The following SNTA1 variants were observed in gnomAD, a reference collection of about 807,000 sequenced individuals.
SNTA1 encodes the protein syntrophin alpha 1.
In SNTA1, 31 loss-of-function variants were observed where a neutral mutation model predicts 47.1. That is an observed-to-expected ratio of 0.66 (90% CI 0.49 to 0.89). The LOEUF is 0.89. Ranked by LOEUF, SNTA1 falls within the 40% of genes least tolerant of loss-of-function variation. The pLI is 0.00. For missense variants in SNTA1, 575 were observed against 693.0 expected (o/e 0.83, Z 1.91); for synonymous variants, 300 against 313.6 (o/e 0.96, Z 0.46).
Position 33,410,168 on chromosome 20 carries a change from G to A in SNTA1, c.1204C>T (p.Arg402Trp), listed in dbSNP as rs373387978. 43 of 1,614,070 alleles carry A rather than the reference G, an allele frequency of 2.7e-5. No homozygotes were observed. Among genetic ancestry groups the A allele is most frequent in the Non-Finnish European group, 3.4e-5 (40 of 1,180,034 alleles). ...ACCTCCTGCACACCCTCGGCGGCCC[G>A]GTGACAGCCATCCACAAGCTGGCGG... ...WTRQLVDGCH[R>W]AAEGVQEVST... The change falls in exon 6 of 8, where the codon CGG becomes TGG. Residue 402 changes from arginine (R) to tryptophan (W), a missense_variant. Arg to Trp is a moderately radical substitution (Grantham distance 101). Coordinates refer to ENST00000217381, the MANE Select transcript of SNTA1 (RefSeq NM_003098.3).
intron 2 of SNTA1, among the ~76,000 whole-genome samples, chr20:33,436,357 G>A (rs769084544): frequency 2.0e-5 from 3 of 152,134 alleles, no homozygotes; most frequent in Non-Finnish European, 4.4e-5. Flanking sequence ...ATGACATTTC[G>A]ATGAATGTCA....
At chr20:33,409,821 G>C (rs1195067851) in intron 6 of SNTA1, among the ~76,000 whole-genome samples, 2 of 152,140 alleles carry the variant, frequency 1.3e-5, no homozygotes, top group Non-Finnish European at 2.9e-5. Flanking sequence ...AGTAGAGACA[G>C]GGTTTCACCA....
intron 3 of SNTA1, among the ~76,000 whole-genome samples, chr20:33,417,229 G>A (rs572019012): frequency 6.6e-6 from 1 of 152,202 alleles, no homozygotes; most frequent in African/African-American, 2.4e-5. Context: ...ACAGTGCTGG[G>A]TACACAGTAA....
At chr20:33,409,989 C>T (rs1989698454) in intron 6 of SNTA1, 146 bp downstream of exon 6, 2 of 799,346 alleles carry the variant, frequency 2.5e-6, no homozygotes, top group East Asian at 5.3e-5. Context: ...TGGTCTCAAA[C>T]TTCTGACCTC....
chr20:33,411,709 G>T (rs1397301361), intron 5 of SNTA1, among the ~76,000 whole-genome samples: 1 of 152,166 alleles, frequency 6.6e-6, no homozygotes, highest in Non-Finnish European at 1.5e-5. Context: ...TCAAGATCAG[G>T]CCCTGCCAAC....
intron 2 of SNTA1, among the ~76,000 whole-genome samples, chr20:33,418,869 T>C (rs998024171): frequency 3.3e-5 from 5 of 150,300 alleles, no homozygotes; most frequent in African/African-American, 4.9e-5. Context: ...TTCCAGCACT[T>C]TGGGAGGCCA....
chr20:33,436,295 G>A (rs989298418), intron 2 of SNTA1, among the ~76,000 whole-genome samples: 1 of 152,188 alleles, frequency 6.6e-6, no homozygotes, highest in Non-Finnish European at 1.5e-5. Flanking sequence ...TTTTACCATA[G>A]ACTAAACTTT....
chr20:33,416,818 G>A (rs761803769), intron 3 of SNTA1, among the ~76,000 whole-genome samples: 8 of 151,678 alleles, frequency 5.3e-5, no homozygotes, highest in East Asian at 1.9e-4. Context: ...GCAGGCGCCC[G>A]TAATCCCAGC....
chr20:33,416,190 G>A (rs1209087135), intron 3 of SNTA1, among the ~76,000 whole-genome samples: 1 of 152,230 alleles, frequency 6.6e-6, no homozygotes, highest in Non-Finnish European at 1.5e-5. Flanking sequence ...GGGCAGGCAA[G>A]AGGTGTGGCA....
chr20:33,435,961 G>A (rs529091148), intron 2 of SNTA1, among the ~76,000 whole-genome samples: 7 of 152,104 alleles, frequency 4.6e-5, no homozygotes, highest in South Asian at 2.1e-4. Context: ...TTGGGAGGCC[G>A]GGGCGGGCAG....
At chr20:33,417,596 A>G (rs1600844319) in intron 3 of SNTA1, 123 bp downstream of exon 3, 1 of 729,974 alleles carries the variant, frequency 1.4e-6, no homozygotes, top group East Asian at 2.6e-5. Context: ...CTATTTTTTA[A>G]GCACCTACTA....
chr20:33,411,433 C>G (rs1005153739), intron 5 of SNTA1, among the ~76,000 whole-genome samples: 5 of 152,064 alleles, frequency 3.3e-5, no homozygotes, highest in East Asian at 3.9e-4. Flanking sequence ...TAATTTTACA[C>G]CCATGTGGTT....
At chr20:33,428,533 C>T (rs1239056992) in intron 2 of SNTA1, among the ~76,000 whole-genome samples, 1 of 151,902 alleles carries the variant, frequency 6.6e-6, no homozygotes, top group Non-Finnish European at 1.5e-5. Context: ...AAAGTATCAA[C>T]ACTGGTTATC....
intron 2 of SNTA1, among the ~76,000 whole-genome samples, chr20:33,430,517 C>T (rs1407927301): frequency 6.6e-6 from 1 of 151,302 alleles, no homozygotes; most frequent in Non-Finnish European, 1.5e-5. Flanking sequence ...CTCAGGTGAT[C>T]CACCCGCCTC....
chr20:33,435,285 C>T (rs1990415017), intron 2 of SNTA1, among the ~76,000 whole-genome samples: 2 of 151,166 alleles, frequency 1.3e-5, no homozygotes, highest in African/African-American at 2.4e-5. Flanking sequence ...AGTCACAGCA[C>T]CTAGCCACCG....
Position 33,415,877 on chromosome 20 carries a change from G to A in SNTA1, c.701+1842C>T, listed in dbSNP as rs142425492. Among the ~76,000 whole-genome samples, 1,163 of 152,128 alleles carry A rather than the reference G, an allele frequency of 7.6e-3. 10 individuals carry two copies. Among genetic ancestry groups the A allele is most frequent in the African/African-American group, 0.026 (1,089 of 41,504 alleles). ...TAATCCTAGCACTTCAGGAGGCCAA[G>A]GTGGGCGGATCACCTGAGGTCAGGA... On this transcript the variant is annotated intron_variant, in intron 3 of 7. Coordinates refer to ENST00000217381, the MANE Select transcript of SNTA1 (RefSeq NM_003098.3).
intron 3 of SNTA1, among the ~76,000 whole-genome samples, chr20:33,416,172 C>T (rs1247395012): frequency 6.6e-6 from 1 of 152,162 alleles, no homozygotes; most frequent in Non-Finnish European, 1.5e-5. Context: ...CCAGTTTTTG[C>T]CTCATGGGGG....
At chr20:33,438,427 G>A (rs1990495058) in intron 2 of SNTA1, among the ~76,000 whole-genome samples, 1 of 152,120 alleles carries the variant, frequency 6.6e-6, no homozygotes, top group Non-Finnish European at 1.5e-5. Context: ...GAAAGAATCT[G>A]ACCTGCCCCT....
chr20:33,440,966 C>G (rs751855653), intron 1 of SNTA1, among the ~76,000 whole-genome samples: 1 of 152,202 alleles, frequency 6.6e-6, no homozygotes, highest in African/African-American at 2.4e-5. Flanking sequence ...GAAACCAAAG[C>G]CTTAGAGTCT....
Sources: allele counts gnomAD v4.1 joint callset (sites outside exome capture counted in the v4.1 genomes callset), GRCh38; gene constraint gnomAD v4.1.1; transcripts MANE v1.5; gene names NCBI Gene and HGNC (gene_info 2026-07-23, HGNC 2026-07-21).